ZNF549: variants seen among roughly 807,000 people sequenced by gnomAD.
The protein encoded by ZNF549 is zinc finger protein 549.
A neutral mutation model predicts 11.1 loss-of-function variants in ZNF549; 11 were observed. The observed-to-expected ratio is 0.99, with a 90% CI of 0.62 to 1.64. ZNF549 has a LOEUF of 1.64. Ranked by LOEUF, ZNF549 falls within the 40% of genes most tolerant of loss-of-function variation. The pLI is 0.00. For missense variants in ZNF549, 748 were observed against 765.1 expected, an observed-to-expected ratio of 0.98 and a Z score of 0.26; for synonymous variants, 266 against 269.1, an observed-to-expected ratio of 0.99 and a Z score of 0.11.
At chr19:57,534,350 G>C (rs138607494) in intron 2 of ZNF549, among the ~76,000 whole-genome samples, 3 of 152,298 alleles carry the variant, frequency 2.0e-5, no homozygotes, top group African/African-American at 7.2e-5. Context: ...ACCAAGGTCA[G>C]GGCTGGTGCT....
In ZNF549 at chr19:57,537,405, C is replaced by G. The variant is rs761085534; in HGVS notation, c.401C>G (p.Ser134Cys). 1 of 1,614,218 alleles carries G rather than the reference C, an allele frequency of 6.2e-7. No homozygotes were observed. The highest frequency in any genetic ancestry group is 8.5e-7 in the Non-Finnish European group (1 of 1,180,034). Residue 134 changes from serine to cysteine, a missense_variant, in exon 4 of 4, where the codon TCT becomes TGT. Ser to Cys is a moderately radical substitution (Grantham distance 112). Transcript: ENST00000376233. ...CTTCCCTGGCAGAAACCTTATACGT[C>G]TGTGGCCAGTGGGAAATGGTTTTCA... ...GTLPWQKPYT[S>C]VASGKWFSFG...
chr19:57,528,188 C>T (rs1568588047), intron 1 of ZNF549, among the ~76,000 whole-genome samples: 1 of 152,168 alleles, frequency 6.6e-6, no homozygotes. Context: ...GGATTTTCTG[C>T]TCCATCATTT....
chr19:57,533,468 G>A (rs890570269), intron 2 of ZNF549, among the ~76,000 whole-genome samples: 1 of 152,156 alleles, frequency 6.6e-6, no homozygotes, highest in Non-Finnish European at 1.5e-5. Flanking sequence ...GGAACACATT[G>A]CTATGGCATA....
chr19:57,527,471 CCT>C lies in ZNF549; in HGVS notation c.-102_-101del, dbSNP rs2089882442. The C allele has an allele frequency of 1.3e-6, 2 of 1,512,574 alleles. No individual in the cohort carries two copies. Among genetic ancestry groups the C allele is most frequent in the Non-Finnish European group, 1.8e-6 (2 of 1,104,432 alleles). 93.7% of individuals were successfully genotyped at this position (1,512,574 alleles called of 1,614,324 possible). A position where few individuals can be genotyped will look rare whatever the true frequency, so the allele number is the denominator to read the frequency against. ...TGGTGTCCGCCCGCAGAGGAGCTTG[CCT>C]GGTCTCGGTCTGAGCGTCGCCCAGC... On this transcript the variant is annotated 5_prime_UTR_variant, in exon 1 of 4. Coordinates refer to ENST00000376233, the MANE Select transcript of ZNF549 (RefSeq NM_001199295.2).
At chr19:57,535,392 C>G (rs1310203432) in intron 3 of ZNF549, 122 bp downstream of exon 3, 2 of 1,393,084 alleles carry the variant, frequency 1.4e-6, no homozygotes, top group Non-Finnish European at 1.9e-6. Flanking sequence ...GGTTCTTGAC[C>G]TGTGGAAGAC....
At chr19:57,536,694 T>C (rs2089926070) in intron 3 of ZNF549, among the ~76,000 whole-genome samples, 1 of 152,182 alleles carries the variant, frequency 6.6e-6, no homozygotes, top group South Asian at 2.1e-4. Flanking sequence ...CCATTCCTTG[T>C]TCTCTTGCTG....
In ZNF549 at chr19:57,539,431, T is replaced by A. The variant is rs943042115; in HGVS notation, c.*504T>A. The A allele has an allele frequency of 6.4e-6, 1 of 155,284 alleles. No homozygotes were observed. The highest frequency in any genetic ancestry group is 2.4e-5 in the African/African-American group (1 of 41,432). The allele number at this position is 155,284 out of a possible 1,614,324, so 9.6% of individuals were successfully genotyped here. A position where few individuals can be genotyped will look rare whatever the true frequency, so the allele number is the denominator to read the frequency against. On this transcript the variant is annotated 3_prime_UTR_variant, in exon 4 of 4. Transcript: ENST00000376233. Reference sequence around the variant, plus strand: ...GAGGGAAATGGGCTGTCTTACCATGTGCTGATGTATGTGCTCTGCCAGTGT... The same window carrying A: ...GAGGGAAATGGGCTGTCTTACCATGAGCTGATGTATGTGCTCTGCCAGTGT...
At chr19:57,534,022 G>GTCTGTCT (rs2089914129) in intron 2 of ZNF549, among the ~76,000 whole-genome samples, 1 of 152,184 alleles carries the variant, frequency 6.6e-6, no homozygotes, top group African/African-American at 2.4e-5. Context: ...TGGAGTTCAG[G>GTCTGTCT]GAAGGGATCC....
At position 57,527,536 on chromosome 19, in the gene ZNF549, C is replaced by T. The variant is rs185034826; in HGVS notation, c.-38C>T. 810 of 1,612,552 alleles carry T rather than the reference C, an allele frequency of 5.0e-4. 3 individuals are homozygous for T. The highest frequency in any genetic ancestry group is 4.1e-3 in the African/African-American group (309 of 75,006). Reference sequence around the variant, plus strand: ...CACGCACGCCGGATCCCGGGCTTTACCGCCCGCCTTTCCAGGCCCCGCCCC... The same window carrying T: ...CACGCACGCCGGATCCCGGGCTTTATCGCCCGCCTTTCCAGGCCCCGCCCC... On this transcript the variant is annotated 5_prime_UTR_variant, in exon 1 of 4. Transcript: ENST00000376233.
rs115254298 is a variant in ZNF549, at chr19:57,527,918, T to G, written c.33+312T>G. Among the ~76,000 whole-genome samples, 378 of 152,248 alleles carry G rather than the reference T, an allele frequency of 2.5e-3. 3 individuals are homozygous for G. Among genetic ancestry groups the G allele is most frequent in the African/African-American group, 8.9e-3 (371 of 41,538 alleles). Reference sequence around the variant, plus strand: ...ATGGCAGCCTGAGCAACCGGGGTTTTTAATTCTGAGTCTTTGGGAGCCATG... The same window carrying G: ...ATGGCAGCCTGAGCAACCGGGGTTTGTAATTCTGAGTCTTTGGGAGCCATG... On this transcript the variant is annotated intron_variant, in intron 1 of 3. Coordinates refer to ENST00000376233, the MANE Select transcript of ZNF549 (RefSeq NM_001199295.2).
chr19:57,528,329 C>T (rs77399308), intron 1 of ZNF549, among the ~76,000 whole-genome samples: 2 of 152,090 alleles, frequency 1.3e-5, no homozygotes, highest in Non-Finnish European at 2.9e-5. Context: ...GAATTTTGGA[C>T]GTGGTGTTTC....
Position 57,537,710 on chromosome 19 carries a change from G to C in ZNF549, c.706G>C (p.Glu236Gln), listed in dbSNP as rs781578082. The change falls in exon 4 of 4, where the codon GAG becomes CAG. Residue 236 changes from glutamate (E) to glutamine (Q), a missense_variant. Coordinates refer to ENST00000376233, the MANE Select transcript of ZNF549 (RefSeq NM_001199295.2). ...TTTCAATGAGAAAGTTCATGTTACT[G>C]AGCATCAGAGAGTCCACACTGGAGA... ...QVFNEKVHVT[E>Q]HQRVHTGEKA... 4.3e-6 allele frequency: 7 copies of C among 1,614,014 alleles called. No individual in the cohort carries two copies. The highest frequency in any genetic ancestry group is 5.9e-6 in the Non-Finnish European group (7 of 1,180,044).
chr19:57,537,945 G>C lies in ZNF549; in HGVS notation c.941G>C (p.Ser314Thr). ...TGCATCGAATGTGGGAAATCCTTGAGCTCCAAATACTCACTTGTGGAACAC... is the reference window on the plus strand; with the variant it reads ...TGCATCGAATGTGGGAAATCCTTGACCTCCAAATACTCACTTGTGGAACAC... ...YVCIECGKSL[S>T]SKYSLVEHQR... The change falls in exon 4 of 4, where the codon AGC becomes ACC. Residue 314 changes from serine (S) to threonine (T), a missense_variant. Ser to Thr is a moderately conservative substitution (Grantham distance 58). Transcript: ENST00000376233. 3.1e-6 allele frequency: 5 copies of C among 1,613,162 alleles called. No individual in the cohort carries two copies. Among genetic ancestry groups the C allele is most frequent in the Non-Finnish European group, 4.2e-6 (5 of 1,179,734 alleles).
At chr19:57,536,606 A>G (rs1447839418) in intron 3 of ZNF549, among the ~76,000 whole-genome samples, 3 of 152,154 alleles carry the variant, frequency 2.0e-5, no homozygotes, top group Non-Finnish European at 4.4e-5. Context: ...CCCTGTCTCC[A>G]TCAGATGACG....
At chr19:57,533,906 C>A (rs2089913660) in intron 2 of ZNF549, among the ~76,000 whole-genome samples, 1 of 152,120 alleles carries the variant, frequency 6.6e-6, no homozygotes, top group Non-Finnish European at 1.5e-5. Context: ...AAGCTCCTTA[C>A]ATGCAGAATA....
rs748811996 is a variant in ZNF549 at position 57,537,292 on chromosome 19, A to G, written c.288A>G (p.Leu96=). ...QGVSQARTPK[L]GPSIPNAHSC... ...TGTCACAGGCCAGGACTCCAAAGCT[A>G]GGTCCTTCCATCCCAAATGCTCATT... The change falls in exon 4 of 4, where the codon CTA becomes CTG. Residue 96 remains leucine (L), a synonymous_variant. Transcript: ENST00000376233. 8 of 1,614,222 alleles carry G rather than the reference A, an allele frequency of 5.0e-6. No homozygotes were observed. In the East Asian group the frequency reaches 6.7e-5, roughly 13 times the overall value.
chr19:57,537,368 C>T lies in ZNF549; in HGVS notation c.364C>T (p.His122Tyr). Residue 122 changes from histidine (H) to tyrosine (Y), a missense_variant, in exon 4 of 4, where the codon CAT becomes TAT. His to Tyr is a moderately conservative substitution (Grantham distance 83). Coordinates refer to ENST00000376233, the MANE Select transcript of ZNF549 (RefSeq NM_001199295.2). ...VMKDILYLSE[H>Y]QGTLPWQKPY... ...GAAAGACATTTTGTACCTCAGTGAG[C>T]ATCAGGGGACACTTCCCTGGCAGAA... 3 of 1,614,178 alleles carry T rather than the reference C, an allele frequency of 1.9e-6. No homozygotes were observed. The highest frequency in any genetic ancestry group is 2.5e-6 in the Non-Finnish European group (3 of 1,180,030).
rs1443140713 is a variant in ZNF549, at chr19:57,538,783, C to T, written c.1779C>T (p.Ala593=). ...ATAACTGCACTGCATGTGAGAAGGC[C>T]TTTATCTATAAAAACAAACTTGTTG... ...RPYNCTACEK[A]FIYKNKLVEH... Residue 593 remains alanine (A), a synonymous_variant, in exon 4 of 4, where the codon GCC becomes GCT. Coordinates refer to ENST00000376233, the MANE Select transcript of ZNF549 (RefSeq NM_001199295.2). 3 of 1,614,136 alleles carry T rather than the reference C, an allele frequency of 1.9e-6. No homozygotes were observed. Among genetic ancestry groups the T allele is most frequent in the Non-Finnish European group, 2.5e-6 (3 of 1,180,034 alleles).
chr19:57,537,872 C>G lies in ZNF549; in HGVS notation c.868C>G (p.Leu290Val). Reference protein sequence around the residue: ...CGKSFLHKQTLVGHQQRIHTR... With the variant: ...CGKSFLHKQTVVGHQQRIHTR... ...GAAATCATTCCTCCATAAACAAACA[C>G]TCGTTGGGCACCAGCAGAGAATTCA... The change falls in exon 4 of 4, where the codon CTC (leucine) becomes GTC (valine). Residue 290 changes from leucine to valine, a missense_variant. Coordinates refer to ENST00000376233, the MANE Select transcript of ZNF549 (RefSeq NM_001199295.2). 1 of 1,613,260 alleles carries G rather than the reference C, an allele frequency of 6.2e-7. No individual in the cohort carries two copies. Among genetic ancestry groups the G allele is most frequent in the Non-Finnish European group, 8.5e-7 (1 of 1,179,736 alleles).
Sources: gnomAD v4.1 joint callset for allele counts (sites outside exome capture counted in the v4.1 genomes callset) on GRCh38, gnomAD v4.1.1 for gene constraint, MANE v1.5 for transcripts, NCBI Gene and HGNC (gene_info 2026-07-23, HGNC 2026-07-21) for gene names.